The following CCDC126 variants were observed in gnomAD, a reference collection of about 807,000 sequenced individuals.
CCDC126 encodes coiled-coil domain-containing protein 126.
CCDC126 carries 5 observed loss-of-function variants against 11.7 expected under a neutral mutation model. That is an observed-to-expected ratio of 0.43 (90% CI 0.22 to 0.90). The LOEUF (loss-of-function observed/expected upper bound fraction) is 0.90, where lower values mean the gene tolerates loss of function less well. CCDC126 is among the 40% of genes least tolerant of loss of function. The probability of loss-of-function intolerance (pLI) is 0.27; values close to 1 mark genes in which losing one functional copy is unlikely to be tolerated. For missense variants in CCDC126, 150 were observed against 163.1 expected, an observed-to-expected ratio of 0.92 and a Z score of 0.44; for synonymous variants, 60 against 61.9, an observed-to-expected ratio of 0.97 and a Z score of 0.14.
intron 3 of CCDC126, among the ~76,000 whole-genome samples, chr7:23,638,311 G>C (rs1287172573): frequency 2.1e-5 from 3 of 146,056 alleles, no homozygotes; most frequent in African/African-American, 7.6e-5. Flanking sequence ...AAATCGGATG[G>C]TTGCCGGGTC....
intron 2 of CCDC126, chr7:23,604,118 A>G (rs1014926806): frequency 2.0e-5 from 3 of 152,194 alleles, no homozygotes; most frequent in Non-Finnish European, 4.4e-5. Context: ...CTCATCAGCA[A>G]CATGCTATTA....
chr7:23,601,543 C>T (rs928020885), intron 2 of CCDC126, among the ~76,000 whole-genome samples: 1 of 151,948 alleles, frequency 6.6e-6, no homozygotes, highest in African/African-American at 2.4e-5. Context: ...GATTTTGTTC[C>T]CTGCTTTTGA....
rs35474549 is a variant in CCDC126 at position 23,623,593 on chromosome 7, CAA to C, written c.238+12058_238+12059del. 1.8e-3 allele frequency among the ~76,000 whole-genome samples: 196 copies of C among 107,802 alleles called. 1 individual carries two copies. Among genetic ancestry groups the C allele is most frequent in the South Asian group, 0.013 (46 of 3,542 alleles). The allele number at this position is 107,802 out of a possible 152,430, so 70.7% of individuals were successfully genotyped here. On this transcript the variant is annotated intron_variant, in intron 3 of 3. Transcript: ENST00000307471. ...CCTAGGTGACAGAGTGAGACTGTCTCAAAAAAAAAAAAAAAAAAATTTAGTGA... is the reference window on the plus strand; with the variant it reads ...CCTAGGTGACAGAGTGAGACTGTCTCAAAAAAAAAAAAAAAAATTTAGTGA...
chr7:23,622,966 C>CTTT, intron 3 of CCDC126: 3 of 132,630 alleles, frequency 2.3e-5, no homozygotes, highest in South Asian at 1.8e-4. Flanking sequence ...AATATGCTCA[C>CTTT]TCTTTTTTTT....
intron 3 of CCDC126, among the ~76,000 whole-genome samples, chr7:23,615,447 T>A (rs966779697): frequency 1.1e-4 from 16 of 152,360 alleles, no homozygotes; most frequent in African/African-American, 3.8e-4. Flanking sequence ...AAGCTGTTTT[T>A]CTTTCTTATT....
Position 23,643,663 on chromosome 7 carries a change from T to C in CCDC126, c.*548T>C, listed in dbSNP as rs80320649. 0.011 allele frequency: 1,705 copies of C among 152,766 alleles called. 17 individuals carry two copies. The highest frequency in any genetic ancestry group is 0.031 in the Middle Eastern group (9 of 294). The allele number at this position is 152,766 out of a possible 1,614,324, so 9.5% of individuals were successfully genotyped here. A position where few individuals can be genotyped will look rare whatever the true frequency, so the allele number is the denominator to read the frequency against. ...TTTTGAAATCATGACCCAAAGAATGTATTGATTTGCACTATCCTTCAGAAT... is the reference window on the plus strand; with the variant it reads ...TTTTGAAATCATGACCCAAAGAATGCATTGATTTGCACTATCCTTCAGAAT... On this transcript the variant is annotated 3_prime_UTR_variant, in exon 4 of 4. Coordinates refer to ENST00000307471, the MANE Select transcript of CCDC126 (RefSeq NM_138771.4).
intron 2 of CCDC126, among the ~76,000 whole-genome samples, chr7:23,598,823 G>C (rs2128012971): frequency 6.6e-6 from 1 of 152,328 alleles, no homozygotes; most frequent in South Asian, 2.1e-4. Context: ...CCTTAGTTTT[G>C]TCCTTGCTCT....
chr7:23,642,102 C>T (rs994488132), intron 3 of CCDC126, among the ~76,000 whole-genome samples: 2 of 152,190 alleles, frequency 1.3e-5, no homozygotes, highest in African/African-American at 4.8e-5. Flanking sequence ...AGCTCTGCCT[C>T]CCCGGTTCAA....
chr7:23,631,822 G>T (rs899470805), intron 3 of CCDC126, among the ~76,000 whole-genome samples: 1 of 151,444 alleles, frequency 6.6e-6, no homozygotes, highest in African/African-American at 2.4e-5. Context: ...AAAAAAATCT[G>T]TAGGCCCAGA....
At chr7:23,599,160 A>T (rs2128013042) in intron 2 of CCDC126, among the ~76,000 whole-genome samples, 1 of 152,310 alleles carries the variant, frequency 6.6e-6, no homozygotes, top group South Asian at 2.1e-4. Context: ...GTTTCTCTGC[A>T]TTTTTGACAT....
At chr7:23,621,480 C>T (rs887903949) in intron 3 of CCDC126, among the ~76,000 whole-genome samples, 5 of 152,170 alleles carry the variant, frequency 3.3e-5, no homozygotes, top group Non-Finnish European at 7.3e-5. Context: ...AGATTTTGGG[C>T]TGAGATGATG....
intron 3 of CCDC126, among the ~76,000 whole-genome samples, chr7:23,626,908 A>G (rs1251057863): frequency 6.6e-6 from 1 of 152,224 alleles, no homozygotes; most frequent in Non-Finnish European, 1.5e-5. Flanking sequence ...TCTTTAATCT[A>G]TAATCATTTC....
intron 3 of CCDC126, among the ~76,000 whole-genome samples, chr7:23,617,918 A>G (rs1390158934): frequency 6.6e-6 from 1 of 152,188 alleles, no homozygotes; most frequent in Non-Finnish European, 1.5e-5. Flanking sequence ...AAATCCATGG[A>G]TTTTGGTATC....
At chr7:23,632,137 A>T (rs921110505) in intron 3 of CCDC126, among the ~76,000 whole-genome samples, 3 of 141,510 alleles carry the variant, frequency 2.1e-5, no homozygotes, top group African/African-American at 7.9e-5. Flanking sequence ...TCTGTTGCCC[A>T]GGCTGGACTG....
intron 3 of CCDC126, among the ~76,000 whole-genome samples, chr7:23,613,226 G>A (rs938463045): frequency 2.0e-5 from 3 of 152,068 alleles, no homozygotes; most frequent in African/African-American, 7.2e-5. Context: ...TGGGACAACT[G>A]CTTGAGCCTG....
At chr7:23,611,757 C>CATTTGGCAA (rs1782714802) in intron 3 of CCDC126, among the ~76,000 whole-genome samples, 1 of 152,158 alleles carries the variant, frequency 6.6e-6, no homozygotes, top group African/African-American at 2.4e-5. Context: ...CAGTTATTAA[C>CATTTGGCAA]ATTTGGCAAC....
intron 3 of CCDC126, among the ~76,000 whole-genome samples, chr7:23,640,993 T>C (rs989820423): frequency 1.4e-5 from 2 of 138,072 alleles, no homozygotes; most frequent in Non-Finnish European, 3.1e-5. Flanking sequence ...ATCCTTTTGG[T>C]TTTTTTTTTT....
intron 3 of CCDC126, among the ~76,000 whole-genome samples, chr7:23,632,424 A>C (rs916906618): frequency 6.6e-6 from 1 of 152,204 alleles, no homozygotes; most frequent in African/African-American, 2.4e-5. Flanking sequence ...CAAAGATGCA[A>C]AGCTGTTCAG....
intron 3 of CCDC126, among the ~76,000 whole-genome samples, chr7:23,630,074 TTA>T (rs1783082780): frequency 6.6e-6 from 1 of 152,220 alleles, no homozygotes; most frequent in Admixed American, 6.5e-5. Flanking sequence ...GAGACCAGCC[TTA>T]CCTATGAAAG....
Sources: gnomAD v4.1 joint callset for allele counts (sites outside exome capture counted in the v4.1 genomes callset) on GRCh38, gnomAD v4.1.1 for gene constraint, MANE v1.5 for transcripts, NCBI Gene and HGNC (gene_info 2026-07-23, HGNC 2026-07-21) for gene names.